The following SLC4A10 variants were observed in gnomAD, a reference collection of about 807,000 sequenced individuals.
SLC4A10 encodes the protein sodium-driven chloride bicarbonate exchanger.
SLC4A10 carries 42 observed loss-of-function variants against 137.7 expected under a neutral mutation model. The ratio of observed to expected loss-of-function variants is 0.30; its 90% CI spans 0.24 to 0.39. The LOEUF is 0.39. Ranked by LOEUF, SLC4A10 falls within the 10% of genes least tolerant of loss-of-function variation. The pLI is 1.00. For missense variants in SLC4A10, 925 were observed against 1,355.0 expected (o/e 0.68, Z 4.98); for synonymous variants, 474 against 464.1 (o/e 1.02, Z -0.27).
intron 3 of SLC4A10, among the ~76,000 whole-genome samples, chr2:161,809,637 T>A (rs1340927029): frequency 3.9e-5 from 6 of 152,152 alleles, no homozygotes; most frequent in Non-Finnish European, 8.8e-5. Context: ...TAGGGAGTCC[T>A]TTCTGTATTA....
intron 2 of SLC4A10, among the ~76,000 whole-genome samples, chr2:161,777,396 A>G (rs1207269713): frequency 1.3e-5 from 2 of 151,952 alleles, no homozygotes; most frequent in African/African-American, 2.4e-5. Context: ...TTTATTGCCT[A>G]TGCTTTCAAT....
intron 3 of SLC4A10, among the ~76,000 whole-genome samples, chr2:161,832,719 T>C (rs375975266): frequency 6.6e-6 from 1 of 151,728 alleles, no homozygotes; most frequent in African/African-American, 2.4e-5. Context: ...GCATTTTCTT[T>C]TTTTGTTGTT....
At chr2:161,775,565 A>C (rs1467727044) in intron 2 of SLC4A10, among the ~76,000 whole-genome samples, 1 of 151,854 alleles carries the variant, frequency 6.6e-6, no homozygotes, top group African/African-American at 2.4e-5. Flanking sequence ...TTCTCAGTGA[A>C]TCTGATGAAA....
intron 3 of SLC4A10, 42 bp downstream of exon 3, chr2:161,804,637 A>G (rs1433090273): frequency 6.5e-7 from 1 of 1,537,428 alleles, no homozygotes; most frequent in Non-Finnish European, 8.8e-7. Flanking sequence ...TAATTATTGT[A>G]ATATACTTGC....
chr2:161,641,165 C>T (rs2035270016), intron 1 of SLC4A10, among the ~76,000 whole-genome samples: 1 of 152,028 alleles, frequency 6.6e-6, no homozygotes, highest in South Asian at 2.1e-4. Context: ...GTGTCTTATC[C>T]TTTTCCAATC....
At chr2:161,768,152 T>C (rs1187756071) in intron 1 of SLC4A10, among the ~76,000 whole-genome samples, 1 of 151,978 alleles carries the variant, frequency 6.6e-6, no homozygotes, top group Non-Finnish European at 1.5e-5. Context: ...GACTCCCCAA[T>C]TATAATCTAT....
chr2:161,955,598 T>A (rs997986295), intron 19 of SLC4A10, among the ~76,000 whole-genome samples: 1 of 152,182 alleles, frequency 6.6e-6, no homozygotes, highest in Non-Finnish European at 1.5e-5. Context: ...TCTCTTGCAC[T>A]TTTATAATTT....
At chr2:161,908,037 G>C (rs1235515002) in intron 15 of SLC4A10, among the ~76,000 whole-genome samples, 1 of 151,956 alleles carries the variant, frequency 6.6e-6, no homozygotes, top group Non-Finnish European at 1.5e-5. Flanking sequence ...AAAGTCCCTT[G>C]GTCTAGAAAG....
chr2:161,923,742 T>C (rs1414104314), intron 15 of SLC4A10, among the ~76,000 whole-genome samples: 1 of 151,826 alleles, frequency 6.6e-6, no homozygotes, highest in East Asian at 1.9e-4. Flanking sequence ...AGTTAATGGG[T>C]GCAGCACACC....
chr2:161,863,775 C>A (rs1173574453), intron 6 of SLC4A10, among the ~76,000 whole-genome samples: 1 of 152,106 alleles, frequency 6.6e-6, no homozygotes, highest in Non-Finnish European at 1.5e-5. Context: ...TTATTTAACC[C>A]CTCATCATTT....
intron 1 of SLC4A10, among the ~76,000 whole-genome samples, chr2:161,770,292 AG>A (rs2051422831): frequency 6.6e-6 from 1 of 151,924 alleles, no homozygotes; most frequent in South Asian, 2.1e-4. Flanking sequence ...TTATTTTTTG[AG>A]TACCAAATTA....
At chr2:161,864,124 C>T (rs1383159174) in intron 6 of SLC4A10, among the ~76,000 whole-genome samples, 1 of 152,020 alleles carries the variant, frequency 6.6e-6, no homozygotes, top group South Asian at 2.1e-4. Flanking sequence ...ATGGTGTGAA[C>T]CTGGGTGGCG....
intron 15 of SLC4A10, among the ~76,000 whole-genome samples, chr2:161,930,583 T>A (rs1191792798): frequency 1.3e-5 from 2 of 151,006 alleles, no homozygotes; most frequent in Non-Finnish European, 2.9e-5. Context: ...TATAATGAAT[T>A]CATAGAAACT....
At chr2:161,672,628 G>A (rs2039862766) in intron 1 of SLC4A10, among the ~76,000 whole-genome samples, 1 of 151,968 alleles carries the variant, frequency 6.6e-6, no homozygotes, top group Non-Finnish European at 1.5e-5. Context: ...ATTTCATGCA[G>A]CATTACTTAG....
intron 3 of SLC4A10, among the ~76,000 whole-genome samples, chr2:161,835,365 G>A (rs557062722): frequency 6.6e-6 from 1 of 152,176 alleles, no homozygotes; most frequent in East Asian, 1.9e-4. Flanking sequence ...TCCAAATCAT[G>A]CATTATTTTC....
intron 18 of SLC4A10, 54 bp from the exon 19 acceptor site, chr2:161,950,633 A>T: frequency 6.5e-7 from 1 of 1,528,880 alleles, no homozygotes. Flanking sequence ...ACCTAATTTG[A>T]TCAAGTATTC....
chr2:161,760,437 T>C (rs947604212), intron 1 of SLC4A10, among the ~76,000 whole-genome samples: 2 of 152,050 alleles, frequency 1.3e-5, no homozygotes, highest in East Asian at 3.9e-4. Context: ...TTCAATCCTG[T>C]CCCAGGGTTT....
intron 19 of SLC4A10, 148 bp downstream of exon 19, chr2:161,950,996 T>C (rs959812333): frequency 2.7e-6 from 2 of 731,464 alleles, no homozygotes; most frequent in Admixed American, 3.7e-5. Flanking sequence ...TCTTACAAGA[T>C]ACTTGGTCTT....
At chr2:161,681,140 C>T (rs1309304453) in intron 1 of SLC4A10, among the ~76,000 whole-genome samples, 1 of 152,128 alleles carries the variant, frequency 6.6e-6, no homozygotes, top group Non-Finnish European at 1.5e-5. Flanking sequence ...CTCATTATCA[C>T]TTACTATCCA....
Sources: allele counts gnomAD v4.1 joint callset (sites outside exome capture counted in the v4.1 genomes callset), GRCh38; gene constraint gnomAD v4.1.1; transcripts MANE v1.5; gene names NCBI Gene and HGNC (gene_info 2026-07-23, HGNC 2026-07-21).